Variants in DMD observed in about 807,000 individuals in gnomAD.
DMD encodes dystrophin.
A neutral mutation model predicts 330.1 loss-of-function variants in DMD; 63 were observed. The ratio of observed to expected loss-of-function variants is 0.19; its 90% confidence interval spans 0.16 to 0.24. The LOEUF (loss-of-function observed/expected upper bound fraction) is 0.24, where lower values mean the gene tolerates loss of function less well. DMD is among the 10% of genes least tolerant of loss of function. DMD has a pLI of 1.00. For synonymous variants in DMD, 1,223 were observed against 959.8 expected, an observed-to-expected ratio of 1.27 and a Z score of -5.07; for missense variants, 3,344 against 2,684.1, an observed-to-expected ratio of 1.25 and a Z score of -5.43.
At chrX:32,569,291 T>G (rs2052118345) in intron 15 of DMD, among the ~76,000 whole-genome samples, 1 of 112,001 alleles carries the variant, frequency 8.9e-6, no homozygotes, top group Admixed American at 9.5e-5. Context: ...CATAAGAGAA[T>G]AATGCCAAGA....
intron 44 of DMD, among the ~76,000 whole-genome samples, chrX:32,031,099 C>T (rs913209889): frequency 4.6e-5 from 5 of 109,027 alleles, no homozygotes; most frequent in African/African-American, 1.7e-4. Flanking sequence ...TACTGGTTCA[C>T]GTCATTGAAA....
At chrX:31,989,572 G>GA (rs1374671233) in intron 44 of DMD, among the ~76,000 whole-genome samples, 1 of 110,620 alleles carries the variant, frequency 9.0e-6, no homozygotes, top group African/African-American at 3.3e-5. Context: ...ACAAGCGCAA[G>GA]AAAAAATTGT....
intron 60 of DMD, among the ~76,000 whole-genome samples, chrX:31,357,171 C>T (rs938974166): frequency 1.8e-5 from 2 of 111,347 alleles, no homozygotes; most frequent in Non-Finnish European, 3.8e-5. Context: ...ATTTATACCA[C>T]ATTTGGAAGA....
At chrX:33,206,184 C>T (rs890213183) in intron 1 of DMD, among the ~76,000 whole-genome samples, 1 of 111,961 alleles carries the variant, frequency 8.9e-6, no homozygotes, top group Non-Finnish European at 1.9e-5. Context: ...GGCAATTAGA[C>T]CTACATATTA....
chrX:32,743,863 CT>C (rs1159686241), intron 7 of DMD, among the ~76,000 whole-genome samples: 17 of 111,088 alleles, frequency 1.5e-4, no homozygotes, highest in Non-Finnish European at 1.3e-4. Flanking sequence ...CAATGTAGCT[CT>C]TTTTCAATGA....
chrX:32,234,558 C>CA (rs919947336), intron 43 of DMD, among the ~76,000 whole-genome samples: 7 of 111,321 alleles, frequency 6.3e-5, no homozygotes, highest in Admixed American at 3.8e-4. Context: ...TAACAAATTT[C>CA]AAAAATGCAA....
chrX:31,775,382 T>C (rs1385269172), intron 50 of DMD, among the ~76,000 whole-genome samples: 2 of 111,168 alleles, frequency 1.8e-5, no homozygotes, highest in Non-Finnish European at 3.8e-5. Context: ...AAATGTGAAA[T>C]ACTTGGGGAG....
intron 41 of DMD, among the ~76,000 whole-genome samples, chrX:32,335,569 G>C (rs996927567): frequency 2.4e-5 from 1 of 41,122 alleles, no homozygotes; most frequent in Non-Finnish European, 4.8e-5. Flanking sequence ...TATATAACAT[G>C]TTATATACAT....
At chrX:32,973,997 A>C (rs1305691429) in intron 2 of DMD, among the ~76,000 whole-genome samples, 1 of 111,686 alleles carries the variant, frequency 9.0e-6, no homozygotes, top group Non-Finnish European at 1.9e-5. Flanking sequence ...ACATACAAAA[A>C]GTCTACTGGA....
intron 47 of DMD, among the ~76,000 whole-genome samples, chrX:31,890,092 AAC>A (rs942372484): frequency 7.2e-5 from 8 of 110,442 alleles, no homozygotes; most frequent in African/African-American, 2.3e-4. Context: ...AAAAAAAAAA[AAC>A]AGTCTCCTTC....
chrX:33,093,023 G>A (rs1046763591), intron 1 of DMD, among the ~76,000 whole-genome samples: 6 of 110,687 alleles, frequency 5.4e-5, no homozygotes, highest in African/African-American at 2.0e-4. Context: ...ATAGGTGCCC[G>A]CCACCACGTC....
intron 26 of DMD, 86 bp downstream of exon 26, chrX:32,454,576 T>C: frequency 1.3e-6 from 1 of 763,484 alleles, no homozygotes; most frequent in African/African-American, 2.1e-5. Context: ...AAGAGCAGAC[T>C]GTATACAACT....
At chrX:32,336,395 A>T (rs1467732609) in intron 41 of DMD, among the ~76,000 whole-genome samples, 2 of 112,062 alleles carry the variant, frequency 1.8e-5, no homozygotes, top group Non-Finnish European at 3.8e-5. Context: ...TTCCAAGAGC[A>T]TGTATATTTT....
At chrX:32,645,571 T>C (rs1221887160) in intron 9 of DMD, among the ~76,000 whole-genome samples, 1 of 111,587 alleles carries the variant, frequency 9.0e-6, no homozygotes, top group Non-Finnish European at 1.9e-5. Context: ...TGAGAGGCCC[T>C]AGGTAATGAA....
At chrX:32,922,594 G>A (rs914738768) in intron 2 of DMD, among the ~76,000 whole-genome samples, 1 of 112,071 alleles carries the variant, frequency 8.9e-6, no homozygotes, top group Admixed American at 9.4e-5. Flanking sequence ...TAGATCCCTC[G>A]CATGCGCAGG....
At chrX:32,068,727 T>A (rs937540885) in intron 44 of DMD, among the ~76,000 whole-genome samples, 2 of 111,220 alleles carry the variant, frequency 1.8e-5, no homozygotes, top group Non-Finnish European at 3.8e-5. Context: ...GGAAACTGCC[T>A]ACTTAATTCT....
chrX:33,241,963 C>T (rs1206940879), intron 1 of DMD, among the ~76,000 whole-genome samples: 2 of 111,152 alleles, frequency 1.8e-5, no homozygotes, highest in Non-Finnish European at 1.9e-5. Flanking sequence ...GGCTTCACCA[C>T]GTTGGTCAGT....
chrX:32,968,236 A>G (rs2092240741), intron 2 of DMD, among the ~76,000 whole-genome samples: 1 of 76,761 alleles, frequency 1.3e-5, no homozygotes, highest in Admixed American at 1.4e-4. Context: ...AGCTGTTTCC[A>G]ACTTTCAAAC....
In DMD at chrX:31,172,401, C is replaced by T. The variant is rs1269257289; in HGVS notation, c.10341G>A (p.Met3447Ile). The T allele has an allele frequency of 8.4e-7, 1 of 1,197,473 alleles. No individual in the cohort carries two copies. Residue 3447 changes from methionine (M) to isoleucine (I), a missense_variant, in exon 73 of 79, where the codon ATG becomes ATA. Met to Ile is a conservative substitution (Grantham distance 10, BLOSUM62 1). Coordinates refer to ENST00000357033, the MANE Select transcript of DMD (RefSeq NM_004006.3). ...IEHYASRLAE[M>I]ENSNGSYLND... Reference sequence around the variant, plus strand: ...TTAGATAAGATCCATTGCTGTTTTCCATTTCTGCTAGCCTGATAAAAAACG... The same window carrying T: ...TTAGATAAGATCCATTGCTGTTTTCTATTTCTGCTAGCCTGATAAAAAACG...
Sources: allele counts gnomAD v4.1 joint callset (sites outside exome capture counted in the v4.1 genomes callset), GRCh38; gene constraint gnomAD v4.1.1; transcripts MANE v1.5; gene names NCBI Gene and HGNC (gene_info 2026-07-23, HGNC 2026-07-21).